The following BCKDK variants were observed in gnomAD, a reference collection of about 807,000 sequenced individuals.
BCKDK encodes branched chain keto acid dehydrogenase kinase.
Under a neutral mutation model 43.9 loss-of-function variants are expected in BCKDK, and 28 were observed. The ratio of observed to expected loss-of-function variants is 0.64; its 90% CI spans 0.47 to 0.87. The LOEUF is 0.87. Ranked by LOEUF, BCKDK falls within the 40% of genes least tolerant of loss-of-function variation. The probability of loss-of-function intolerance (pLI) is 0.00; values close to 1 mark genes in which losing one functional copy is unlikely to be tolerated. For synonymous variants in BCKDK, 257 were observed against 234.3 expected (o/e 1.10, Z -0.88); for missense variants, 483 against 581.4 (o/e 0.83, Z 1.74).
In BCKDK at chr16:31,112,710, C is replaced by G. The variant is rs559431458; in HGVS notation, c.*445C>G. The G allele has an allele frequency of 2.1e-5, 7 of 328,988 alleles. No homozygotes were observed. The highest frequency in any genetic ancestry group is 1.5e-4 in the African/African-American group (7 of 46,710). 20.4% of individuals were successfully genotyped at this position (328,988 alleles called of 1,614,324 possible). On this transcript the variant is annotated 3_prime_UTR_variant, in exon 12 of 12. Coordinates refer to ENST00000219794, the MANE Select transcript of BCKDK (RefSeq NM_005881.4). The surrounding 1 kb of genome is among the most constrained non-coding windows in gnomAD (Gnocchi z 5.0). ...TGGCAGGCCAGGAGTAGAATGGGTC[C>G]CAAGTCTGTTGCATGTTTGATTTGG...
downstream of BCKDK, chr16:31,115,717 G>A (rs2057441170): frequency 6.6e-6 from 1 of 150,868 alleles, no homozygotes; most frequent in South Asian, 2.1e-4. Context: ...CAAATTTTTA[G>A]TAGAAAGGAG....
chr16:31,117,398 A>ACATAAATTAATT, downstream of BCKDK: 1 of 233,732 alleles, frequency 4.3e-6, no homozygotes, highest in Non-Finnish European at 8.2e-6. Context: ...ATAAATAAAT[A>ACATAAATTAATT]AATTAAAAAA....
downstream of BCKDK, chr16:31,112,836 C>A (rs1490273303): frequency 5.5e-6 from 1 of 182,192 alleles, no homozygotes; most frequent in African/African-American, 2.4e-5. This position sits in a 1 kb window ranked among gnomAD's most constrained non-coding sequence, Gnocchi z 5.0. Context: ...CCAGACTGAC[C>A]CAGCTTCGGG....
chr16:31,117,515 C>G (rs1036949461), downstream of BCKDK: 1 of 497,504 alleles, frequency 2.0e-6, no homozygotes, highest in African/African-American at 2.0e-5. Context: ...CTGCCGCACA[C>G]TCAACATCCA....
chr16:31,112,534 TGACCTGTTA>T lies in BCKDK; in HGVS notation c.*270_*278del. 1.7e-6 allele frequency: 1 copy of T among 579,480 alleles called. No individual in the cohort carries two copies. Among genetic ancestry groups the T allele is most frequent in the Admixed American group, 2.9e-5 (1 of 34,048 alleles). 35.9% of individuals were successfully genotyped at this position (579,480 alleles called of 1,614,324 possible). A position where few individuals can be genotyped will look rare whatever the true frequency, so the allele number is the denominator to read the frequency against. On this transcript the variant is annotated 3_prime_UTR_variant, in exon 12 of 12. Transcript: ENST00000219794. This position sits in a 1 kb window ranked among gnomAD's most constrained non-coding sequence, Gnocchi z 5.0. ...TCTCGTTCCTGGGGAACCCCCACTC[TGACCTGTTA>T]TTAAAGTTCACATTTTGAATGCCCT...
chr16:31,114,396 A>G (rs1269564615), downstream of BCKDK, among the ~76,000 whole-genome samples: 1 of 147,750 alleles, frequency 6.8e-6, no homozygotes, highest in African/African-American at 2.5e-5. Context: ...TATTTTTAGT[A>G]GAGATGGGGT....
At position 31,111,922 on chromosome 16, in the gene BCKDK, A is replaced by C. The variant is rs2057415579; in HGVS notation, c.989A>C (p.Asp330Ala). 6.2e-7 allele frequency: 1 copy of C among 1,614,040 alleles called. No homozygotes were observed. The highest frequency in any genetic ancestry group is 1.1e-5 in the South Asian group (1 of 91,094). ...IAHKDLDRVM[D>A]YHFTTAEAST... ...CACAAAGATCTGGACCGGGTCATGGACTACCACTTCACTACTGCTGAGGCC... is the reference window on the plus strand; with the variant it reads ...CACAAAGATCTGGACCGGGTCATGGCCTACCACTTCACTACTGCTGAGGCC... Residue 330 changes from aspartate (D) to alanine (A), a missense_variant, in exon 11 of 12, where the codon GAC (aspartate) becomes GCC (alanine). By Grantham distance (126) the Asp-to-Ala change is moderately radical. Coordinates refer to ENST00000219794, the MANE Select transcript of BCKDK (RefSeq NM_005881.4).
chr16:31,117,393 TAAA>T, downstream of BCKDK: 4 of 210,692 alleles, frequency 1.9e-5, no homozygotes, highest in East Asian at 3.4e-4. Context: ...AATAAATAAA[TAAA>T]TAAATTAAAA....
downstream of BCKDK, chr16:31,117,628 C>G (rs959900006): frequency 1.6e-5 from 21 of 1,329,088 alleles, no homozygotes; most frequent in Admixed American, 2.8e-4. Context: ...ACTGCTGACC[C>G]GGAGCCAAAA....
Position 31,112,461 on chromosome 16 carries a change from G to A in BCKDK, c.*196G>A. On this transcript the variant is annotated 3_prime_UTR_variant, in exon 12 of 12. Coordinates refer to ENST00000219794, the MANE Select transcript of BCKDK (RefSeq NM_005881.4). The surrounding 1 kb of genome is among the most constrained non-coding windows in gnomAD (Gnocchi z 5.0). ...CATTGCCTCCTCGCCTCCAGAACTT[G>A]GAGCAGGGAAGTGGGCACCCTGAGG... 1.1e-6 allele frequency: 1 copy of A among 912,722 alleles called. No individual in the cohort carries two copies. The highest frequency in any genetic ancestry group is 1.7e-6 in the Non-Finnish European group (1 of 586,606). The allele number at this position is 912,722 out of a possible 1,614,324, so 56.5% of individuals were successfully genotyped here.
chr16:31,114,883 ATTTCC>A (rs201123685), downstream of BCKDK, among the ~76,000 whole-genome samples: 1 of 151,878 alleles, frequency 6.6e-6, no homozygotes, highest in African/African-American at 2.4e-5. Flanking sequence ...TCCTTACAAT[ATTTCC>A]TTTCCTTTCC....
At position 31,111,981 on chromosome 16, in the gene BCKDK, G is replaced by A. The variant is rs1187563343; in HGVS notation, c.1048G>A (p.Gly350Ser). The A allele has an allele frequency of 6.2e-7, 1 of 1,614,066 alleles. No individual in the cohort carries two copies. The highest frequency in any genetic ancestry group is 1.1e-5 in the South Asian group (1 of 91,086). ...GGACCCCCGGATCAGCCCCCTCTTT[G>A]GCCATCTGGACATGCATAGTGGCGC... ...TQDPRISPLF[G>S]HLDMHSGAQS... The change falls in exon 11 of 12, where the codon GGC becomes AGC. Residue 350 changes from glycine to serine, a missense_variant. Gly to Ser is a moderately conservative substitution (Grantham distance 56, BLOSUM62 0). Transcript: ENST00000219794.
Position 31,109,110 on chromosome 16 carries a change from CGGA to C in BCKDK, c.-112_-110del. The C allele has an allele frequency of 1.1e-6, 1 of 938,566 alleles. No individual in the cohort carries two copies. The highest frequency in any genetic ancestry group is 1.5e-6 in the Non-Finnish European group (1 of 671,634). The allele number at this position is 938,566 out of a possible 1,614,324, so 58.1% of individuals were successfully genotyped here. Reference sequence around the variant, plus strand: ...CTCGACGCACCCTGGTCCCTGAAGTCGGAGAAGAGCCCCTACCCACCCACACCC... The same window carrying C: ...CTCGACGCACCCTGGTCCCTGAAGTCGAAGAGCCCCTACCCACCCACACCC... On this transcript the variant is annotated 5_prime_UTR_variant, in exon 2 of 12. Transcript: ENST00000219794. This position sits in a 1 kb window ranked among gnomAD's most constrained non-coding sequence, Gnocchi z 5.3.
downstream of BCKDK, among the ~76,000 whole-genome samples, chr16:31,113,486 T>A (rs1376292390): frequency 6.6e-6 from 1 of 152,160 alleles, no homozygotes; most frequent in African/African-American, 2.4e-5. Flanking sequence ...TGGGTGAGTT[T>A]TTATTTATTT....
In BCKDK at chr16:31,108,580, C is replaced by A; in HGVS notation, c.-178+101C>A. ...GGCGCGCAGACGGGGCTGGCATCTACCATATGGGGGGCATCCGGGCCGAAC... is the reference window on the plus strand; with the variant it reads ...GGCGCGCAGACGGGGCTGGCATCTAACATATGGGGGGCATCCGGGCCGAAC... On this transcript the variant is annotated intron_variant, in intron 1 of 11. Transcript: ENST00000219794. This position sits in a 1 kb window ranked among gnomAD's most constrained non-coding sequence, Gnocchi z 6.2. 6.6e-6 allele frequency: 1 copy of A among 152,610 alleles called. No individual in the cohort carries two copies. Among genetic ancestry groups the A allele is most frequent in the Non-Finnish European group, 1.5e-5 (1 of 68,284 alleles). The allele number at this position is 152,610 out of a possible 1,614,324, so 9.5% of individuals were successfully genotyped here. A position where few individuals can be genotyped will look rare whatever the true frequency, so the allele number is the denominator to read the frequency against.
downstream of BCKDK, among the ~76,000 whole-genome samples, chr16:31,114,985 C>T (rs904714482): frequency 1.6e-4 from 24 of 151,850 alleles, no homozygotes; most frequent in Non-Finnish European, 8.8e-5. Context: ...AGTGCAGTGG[C>T]GCGATCTCGG....
downstream of BCKDK, chr16:31,117,403 A>AAATAAATAAATAAATTT (rs1567432271): frequency 2.1e-5 from 6 of 284,198 alleles, no homozygotes; most frequent in South Asian, 3.4e-4. Context: ...TAAATAAATT[A>AAATAAATAAATAAATTT]AAAAAAGGTT....
At position 31,110,403 on chromosome 16, in the gene BCKDK, T is replaced by TG. The variant is rs2057401639; in HGVS notation, c.547dup (p.Glu183GlyfsTer30). 6.2e-7 allele frequency: 1 copy of TG among 1,613,900 alleles called. No homozygotes were observed. Among genetic ancestry groups the TG allele is most frequent in the East Asian group, 2.2e-5 (1 of 44,880 alleles). On this transcript the variant is annotated frameshift_variant, in exon 7 of 12. Transcript: ENST00000219794. LOFTEE classifies it high-confidence loss of function. The surrounding 1 kb of genome is among the most constrained non-coding windows in gnomAD (Gnocchi z 5.4). ...TTCTGAGACCTCACTCTTTACAGGA[T>TG]GAAAAGCTCGTCCGCTACTTCTTGG...
downstream of BCKDK, among the ~76,000 whole-genome samples, chr16:31,114,714 G>A (rs556790522): frequency 3.3e-5 from 5 of 152,210 alleles, no homozygotes; most frequent in Admixed American, 3.3e-4. Flanking sequence ...TAGTTCAACC[G>A]TTACATAGTT....
Sources: allele counts gnomAD v4.1 joint callset (sites outside exome capture counted in the v4.1 genomes callset), GRCh38; gene constraint gnomAD v4.1.1; non-coding constraint Gnocchi (gnomAD v3.1); transcripts MANE v1.5; gene names NCBI Gene and HGNC (gene_info 2026-07-23, HGNC 2026-07-21).